IFIH1: variants seen among roughly 807,000 people sequenced by gnomAD.
IFIH1 encodes interferon-induced helicase C domain-containing protein 1.
Under a neutral mutation model 107.4 loss-of-function variants are expected in IFIH1, and 125 were observed. That is an observed-to-expected ratio of 1.16 (90% confidence interval 1.01 to 1.35). The LOEUF (loss-of-function observed/expected upper bound fraction) is 1.35. Ranked by LOEUF, IFIH1 falls within the 40% of genes most tolerant of loss-of-function variation. IFIH1 has a pLI of 0.00. For missense variants in IFIH1, 1,333 were observed against 1,213.7 expected (o/e 1.10, Z -1.46); for synonymous variants, 458 against 413.2 (o/e 1.11, Z -1.31).
chr2:162,302,679 T>C (rs1458035240), intron 3 of IFIH1, among the ~76,000 whole-genome samples: 1 of 152,240 alleles, frequency 6.6e-6, no homozygotes, highest in Non-Finnish European at 1.5e-5. Flanking sequence ...TCTGGACTAA[T>C]GGTACTTTAT....
In IFIH1 at chr2:162,267,533, T is replaced by C. The variant is rs753904232; in HGVS notation, c.2844A>G (p.Gln948=). Residue 948 remains glutamine, a synonymous_variant, in exon 15 of 16, where the codon CAA becomes CAG. Coordinates refer to ENST00000649979, the MANE Select transcript of IFIH1 (RefSeq NM_022168.4). ...LYIVRENKAL[Q]KKCADYQING... ...TTATTTGATAGTCGGCACACTTCTT[T>C]TGCAGTGCTTTGTTTTCTCTTACAA... 6.2e-7 allele frequency: 1 copy of C among 1,613,678 alleles called. No homozygotes were observed. Among genetic ancestry groups the C allele is most frequent in the South Asian group, 1.1e-5 (1 of 91,080 alleles).
Position 162,293,540 on chromosome 2 carries a change from G to T in IFIH1, c.874+24C>A, listed in dbSNP as rs1300997033. The T allele has an allele frequency of 6.0e-6, 9 of 1,488,000 alleles. No individual in the cohort carries two copies. The East Asian group carries it at 1.6e-4, about 26-fold the overall frequency. 92.2% of individuals were successfully genotyped at this position (1,488,000 alleles called of 1,614,324 possible). On this transcript the variant is annotated intron_variant, in intron 4 of 15. Coordinates refer to ENST00000649979, the MANE Select transcript of IFIH1 (RefSeq NM_022168.4). ...GGCGTCTTATTTCACACTTTTTAAG[G>T]TTTACACAACAGTTAGGCAGTACCT...
In IFIH1 at chr2:162,318,528, GC is replaced by G; in HGVS notation, c.-222del. On this transcript the variant is annotated 5_prime_UTR_variant, in exon 1 of 16. Coordinates refer to ENST00000649979, the MANE Select transcript of IFIH1 (RefSeq NM_022168.4). ...GGCAGGCGGGCAGGTGGGCAGCGGG[GC>G]GGCGCGCGGGGCCGCGGCAGGCAGG... 3.2e-6 allele frequency: 1 copy of G among 314,770 alleles called. No homozygotes were observed. Among genetic ancestry groups the G allele is most frequent in the Non-Finnish European group, 5.7e-6 (1 of 175,676 alleles). The allele number at this position is 314,770 out of a possible 1,614,324, so 19.5% of individuals were successfully genotyped here. A position where few individuals can be genotyped will look rare whatever the true frequency, so the allele number is the denominator to read the frequency against.
chr2:162,296,664 T>A (rs1683088932), intron 3 of IFIH1, among the ~76,000 whole-genome samples: 1 of 152,188 alleles, frequency 6.6e-6, no homozygotes, highest in Non-Finnish European at 1.5e-5. Context: ...GACATTTTCA[T>A]TGTATTGTCA....
chr2:162,269,011 C>T (rs1690981855), intron 13 of IFIH1, among the ~76,000 whole-genome samples: 1 of 152,188 alleles, frequency 6.6e-6, no homozygotes, highest in South Asian at 2.1e-4. Context: ...CACCCAAATG[C>T]CTTTAATCTT....
chr2:162,314,583 G>C (rs556255408), intron 1 of IFIH1, among the ~76,000 whole-genome samples: 1 of 151,534 alleles, frequency 6.6e-6, no homozygotes, highest in East Asian at 1.9e-4. Flanking sequence ...CGCCTCCCAG[G>C]TTCATGCCAT....
At chr2:162,316,093 T>C (rs986717107) in intron 1 of IFIH1, among the ~76,000 whole-genome samples, 1 of 152,224 alleles carries the variant, frequency 6.6e-6, no homozygotes, top group African/African-American at 2.4e-5. Context: ...AATCAAGAAC[T>C]TGGATAAAAT....
chr2:162,311,262 G>C (rs893370225), intron 1 of IFIH1, among the ~76,000 whole-genome samples: 1 of 152,002 alleles, frequency 6.6e-6, no homozygotes, highest in Non-Finnish European at 1.5e-5. Context: ...ATAAAGGATA[G>C]AAGAGAAAGT....
chr2:162,299,890 C>A (rs1683163017), intron 3 of IFIH1, among the ~76,000 whole-genome samples: 1 of 152,166 alleles, frequency 6.6e-6, no homozygotes, highest in African/African-American at 2.4e-5. Context: ...CTCTCTTGTG[C>A]TTGTGCTTTT....
At chr2:162,267,662 G>A (rs1690952950) in intron 14 of IFIH1, 93 bp from the exon 15 acceptor site, 5 of 911,554 alleles carry the variant, frequency 5.5e-6, no homozygotes, top group South Asian at 4.1e-5. Context: ...TCATCCGCAT[G>A]CCTGCGGTAT....
intron 12 of IFIH1, 60 bp from the exon 13 acceptor site, chr2:162,272,447 T>A (rs1222174045): frequency 7.0e-7 from 1 of 1,433,830 alleles, no homozygotes; most frequent in East Asian, 2.3e-5. Context: ...ATCCTCCTGG[T>A]TTTTTCTGGG....
At chr2:162,311,591 A>C (rs994359400) in intron 1 of IFIH1, among the ~76,000 whole-genome samples, 20 of 151,818 alleles carry the variant, frequency 1.3e-4, no homozygotes, top group African/African-American at 4.6e-4. Context: ...CATTCATTAG[A>C]GTCTTTAGCC....
intron 2 of IFIH1, among the ~76,000 whole-genome samples, chr2:162,308,049 A>C (rs527668555): frequency 2.0e-5 from 3 of 152,200 alleles, no homozygotes; most frequent in Non-Finnish European, 4.4e-5. Flanking sequence ...TTTGATAAGC[A>C]TCAGGATCCG....
rs760546878 is a variant in IFIH1, at chr2:162,310,898, A to G, written c.489T>C (p.Gly163=). 3 of 1,613,514 alleles carry G rather than the reference A, an allele frequency of 1.9e-6. No individual in the cohort carries two copies. Among genetic ancestry groups the G allele is most frequent in the Non-Finnish European group, 2.5e-6 (3 of 1,179,624 alleles). ...AAAENNGNES[G]VRELLKRIVQ... is the part of the protein sequence containing the mutation. The stretch of plus-strand genomic sequence containing the variant: ...CAATCCTTTTTAGTAGCTCTCTTAC[A>G]CCTGATTCATTTCCATTGTTTTCTG... The change falls in exon 2 of 16, where the codon GGT becomes GGC. Residue 163 remains glycine, a synonymous_variant. Transcript: ENST00000649979.
intron 14 of IFIH1, 117 bp from the exon 15 acceptor site, chr2:162,267,686 C>T (rs1330216967): frequency 2.7e-6 from 2 of 737,246 alleles, no homozygotes; most frequent in Non-Finnish European, 4.6e-6. Context: ...ACACGGCATT[C>T]CTTCCTTCCC....
chr2:162,289,691 CA>C (rs1186812243), intron 4 of IFIH1, among the ~76,000 whole-genome samples: 2 of 151,738 alleles, frequency 1.3e-5, no homozygotes, highest in Non-Finnish European at 2.9e-5. Context: ...AAATTCACAC[CA>C]AATACCACTT....
At position 162,306,800 on chromosome 2, in the gene IFIH1, T is replaced by C. The variant is rs776102932; in HGVS notation, c.678A>G (p.Ser226=). ...TCTCCAGATTTGGCTGAACTGTGGT[T>C]GAAAGAAGTTGCTCTTCCACTTGAG... is the stretch of plus-strand genomic sequence containing the variant. The part of the protein sequence containing the change: ...DGPQVEEQLL[S]TTVQPNLEKE... Residue 226 remains serine (S), a synonymous_variant, in exon 3 of 16, where the codon TCA becomes TCG. Transcript: ENST00000649979. 6 of 1,613,828 alleles carry C rather than the reference T, an allele frequency of 3.7e-6. No individual in the cohort carries two copies. In the African/African-American group the frequency reaches 8.0e-5, roughly 22 times the overall value.
chr2:162,271,447 G>A lies in IFIH1; in HGVS notation c.2616+779C>T, dbSNP rs560287946. 1.4e-3 allele frequency among the ~76,000 whole-genome samples: 184 copies of A among 135,184 alleles called. 2 individuals are homozygous for A. Among genetic ancestry groups the A allele is most frequent in the African/African-American group, 4.6e-3 (171 of 37,214 alleles). 88.7% of individuals were successfully genotyped at this position (135,184 alleles called of 152,430 possible). ...ACAGGGCTGGGAACATTACACACCAGGGCCTGTCGTGGGGTGGGGGGAGGG... is the reference window on the plus strand; with the variant it reads ...ACAGGGCTGGGAACATTACACACCAAGGCCTGTCGTGGGGTGGGGGGAGGG... On this transcript the variant is annotated intron_variant, in intron 13 of 15. Transcript: ENST00000649979.
At chr2:162,300,245 C>G (rs1314839654) in intron 3 of IFIH1, among the ~76,000 whole-genome samples, 1 of 152,172 alleles carries the variant, frequency 6.6e-6, no homozygotes, top group Admixed American at 6.5e-5. Flanking sequence ...TCTCTGGCTT[C>G]TGACCTCATT....
Sources: gnomAD v4.1 joint callset for allele counts (sites outside exome capture counted in the v4.1 genomes callset) on GRCh38, gnomAD v4.1.1 for gene constraint, MANE v1.5 for transcripts, NCBI Gene and HGNC (gene_info 2026-07-23, HGNC 2026-07-21) for gene names.